Variants in MIGA2 observed in about 807,000 individuals in gnomAD.
MIGA2 encodes the protein family with sequence similarity 73, member B.
MIGA2 carries 36 observed loss-of-function variants against 69.9 expected under a neutral mutation model. The ratio of observed to expected loss-of-function variants is 0.52; its 90% CI spans 0.39 to 0.68. The LOEUF (loss-of-function observed/expected upper bound fraction) is 0.68, where lower values mean the gene tolerates loss of function less well. MIGA2 is among the 30% of genes least tolerant of loss of function. The pLI, the probability that MIGA2 is intolerant of heterozygous loss-of-function variation, is 0.00. For missense variants in MIGA2, 660 were observed against 787.7 expected, an observed-to-expected ratio of 0.84 and a Z score of 1.94; for synonymous variants, 333 against 349.2, an observed-to-expected ratio of 0.95 and a Z score of 0.52.
rs1224673812 is a variant in MIGA2 at position 129,048,254 on chromosome 9, C to A, written c.308-173C>A. 2.0e-5 allele frequency among the ~76,000 whole-genome samples: 3 copies of A among 152,332 alleles called. No individual in the cohort carries two copies. In the East Asian group the frequency reaches 5.8e-4, roughly 29 times the overall value. On this transcript the variant is annotated intron_variant, in intron 3 of 15. Coordinates refer to ENST00000684074, the MANE Select transcript of MIGA2 (RefSeq NM_001329990.2). ...GTGGTCATGAGCAGGACATGGAGGG[C>A]CCCGCGCTTTTCTCCTGAGTGCACG...
At chr9:129,051,206 C>T (rs2131361027) in intron 6 of MIGA2, 1 of 154,806 alleles carries the variant, frequency 6.5e-6, no homozygotes, top group East Asian at 1.9e-4. Flanking sequence ...TTCTTTAATA[C>T]ACTTTTTTGG....
chr9:129,061,193 T>G lies in MIGA2; in HGVS notation c.895-38T>G, dbSNP rs1846048121. The G allele has an allele frequency of 1.3e-6, 2 of 1,567,220 alleles. No homozygotes were observed. The highest frequency in any genetic ancestry group is 1.7e-6 in the Non-Finnish European group (2 of 1,147,694). ...CTTGCGCCGTGGCGTGCTGCTCACA[T>G]GGGCTTCCCTGGTCTCTTCCTCTGC... On this transcript the variant is annotated intron_variant, in intron 8 of 15. Transcript: ENST00000684074. The surrounding 1 kb of genome is among the most constrained non-coding windows in gnomAD (Gnocchi z 5.0).
rs1588405283 is a variant in MIGA2, at chr9:129,061,369, A to C, written c.1010+23A>C. 3.5e-6 allele frequency: 2 copies of C among 565,558 alleles called. No individual in the cohort carries two copies. Among genetic ancestry groups the C allele is most frequent in the Non-Finnish European group, 6.9e-6 (2 of 290,206 alleles). The allele number at this position is 565,558 out of a possible 1,614,324, so 35.0% of individuals were successfully genotyped here. Reference sequence around the variant, plus strand: ...CAGGTGAGCAGGTGTGGAGGGAGGGAGGGAGGGAGCAGGAGGCGATGGGTG... The same window carrying C: ...CAGGTGAGCAGGTGTGGAGGGAGGGCGGGAGGGAGCAGGAGGCGATGGGTG... On this transcript the variant is annotated intron_variant, in intron 9 of 15. Transcript: ENST00000684074. This position sits in a 1 kb window ranked among gnomAD's most constrained non-coding sequence, Gnocchi z 5.0.
At position 129,038,789 on chromosome 9, in the gene MIGA2, C is replaced by CTTTT. The variant is rs869238538; in HGVS notation, c.-143-1642_-143-1639dup. On this transcript the variant is annotated intron_variant, in intron 1 of 15. Transcript: ENST00000684074. ...CACATAATCCTTTTTTTTTGTTTGT[C>CTTTT]TTTTTTTTTTTTTTTTTTTTTTTTG... 7.2e-3 allele frequency among the ~76,000 whole-genome samples: 637 copies of CTTTT among 89,072 alleles called. 2 individuals carry two copies. Among genetic ancestry groups the CTTTT allele is most frequent in the African/African-American group, 0.013 (263 of 20,662 alleles). The allele number at this position is 89,072 out of a possible 152,430, so 58.4% of individuals were successfully genotyped here. A position where few individuals can be genotyped will look rare whatever the true frequency, so the allele number is the denominator to read the frequency against.
chr9:129,063,356 G>A (rs1015306653), intron 10 of MIGA2, 40 bp downstream of exon 10: 30 of 1,611,710 alleles, frequency 1.9e-5, no homozygotes, highest in Middle Eastern at 1.7e-4. Context: ...TGGGAGGCAA[G>A]GGGTAGTCAG....
chr9:129,067,002 G>T (rs1846392434), intron 11 of MIGA2, among the ~76,000 whole-genome samples: 1 of 149,488 alleles, frequency 6.7e-6, no homozygotes, highest in East Asian at 2.0e-4. Context: ...CGGGCGTGGT[G>T]GCAGGCACTT....
intron 11 of MIGA2, 24 bp downstream of exon 11, chr9:129,063,655 G>GGGGGGGGGGGGCCC: frequency 1.5e-5 from 10 of 645,702 alleles, no homozygotes; most frequent in Non-Finnish European, 2.3e-5. Context: ...GGGTGGGGGG[G>GGGGGGGGGGGGCCC]CAAATTATAA....
intron 3 of MIGA2, among the ~76,000 whole-genome samples, chr9:129,047,477 G>A (rs2131352809): frequency 6.6e-6 from 1 of 151,572 alleles, no homozygotes. Flanking sequence ...CAGTGGCACA[G>A]TCTTGGCTCA....
rs1431473952 is a variant in MIGA2 at position 129,068,257 on chromosome 9, G to A, written c.1329G>A (p.Glu443=). 3 of 1,613,426 alleles carry A rather than the reference G, an allele frequency of 1.9e-6. No homozygotes were observed. The highest frequency in any genetic ancestry group is 1.6e-4 in the Middle Eastern group (1 of 6,080). ...ACTTCATCCTCATGGACGCCTTCGA[G>A]GACCTGGAGAACCCTCCGGCCTCGG... ...VLDFILMDAF[E]DLENPPASVL... The change falls in exon 13 of 16, where the codon GAG becomes GAA. Residue 443 remains glutamate (E), a synonymous_variant. Transcript: ENST00000684074. This position sits in a 1 kb window ranked among gnomAD's most constrained non-coding sequence, Gnocchi z 4.1.
At chr9:129,063,656 C>CCCCCA in intron 11 of MIGA2, 25 bp downstream of exon 11, 2 of 1,597,290 alleles carry the variant, frequency 1.3e-6, no homozygotes, top group Non-Finnish European at 1.7e-6. Flanking sequence ...GGTGGGGGGG[C>CCCCCA]AAATTATAAA....
rs1420739855 is a variant in MIGA2, at chr9:129,070,579, C to T, written c.*126C>T. 2 of 1,049,308 alleles carry T rather than the reference C, an allele frequency of 1.9e-6. No individual in the cohort carries two copies. The highest frequency in any genetic ancestry group is 2.6e-5 in the East Asian group (1 of 38,186). The allele number at this position is 1,049,308 out of a possible 1,614,324, so 65.0% of individuals were successfully genotyped here. Reference sequence around the variant, plus strand: ...TGCCCCACCCCCATCATCTGGGAGTCCCCAAGGCCCAGAGGGGACATTTCC... The same window carrying T: ...TGCCCCACCCCCATCATCTGGGAGTTCCCAAGGCCCAGAGGGGACATTTCC... On this transcript the variant is annotated 3_prime_UTR_variant, in exon 16 of 16. Transcript: ENST00000684074.
Position 129,061,387 on chromosome 9 carries a change from G to C in MIGA2, c.1010+41G>C, listed in dbSNP as rs762886496. The C allele has an allele frequency of 6.5e-7, 1 of 1,531,176 alleles. No individual in the cohort carries two copies. The highest frequency in any genetic ancestry group is 2.3e-5 in the East Asian group (1 of 43,154). The allele number at this position is 1,531,176 out of a possible 1,614,324, so 94.8% of individuals were successfully genotyped here. A position where few individuals can be genotyped will look rare whatever the true frequency, so the allele number is the denominator to read the frequency against. ...GGGAGGGAGGGAGGGAGCAGGAGGC[G>C]ATGGGTGATTCTGGCCCTTGCGGGA... On this transcript the variant is annotated intron_variant, in intron 9 of 15. Transcript: ENST00000684074. The surrounding 1 kb of genome is among the most constrained non-coding windows in gnomAD (Gnocchi z 5.0).
intron 2 of MIGA2, among the ~76,000 whole-genome samples, chr9:129,041,251 G>A (rs1471935577): frequency 2.6e-5 from 4 of 152,026 alleles, no homozygotes; most frequent in Admixed American, 6.6e-5. Flanking sequence ...AGAATTGCTT[G>A]AACCCAGGAG....
Position 129,069,229 on chromosome 9 carries a change from T to C in MIGA2, c.1458+100T>C, listed in dbSNP as rs1846533894. ...GGTGGCTCGCTGGGCCACTTGGCCT[T>C]CACCGCTCACAGTCCTGGCCCCCTT... On this transcript the variant is annotated intron_variant, in intron 14 of 15. Coordinates refer to ENST00000684074, the MANE Select transcript of MIGA2 (RefSeq NM_001329990.2). This position sits in a 1 kb window ranked among gnomAD's most constrained non-coding sequence, Gnocchi z 4.9. 2 of 1,430,668 alleles carry C rather than the reference T, an allele frequency of 1.4e-6. No individual in the cohort carries two copies. The highest frequency in any genetic ancestry group is 3.4e-5 in the Admixed American group (2 of 59,528). The allele number at this position is 1,430,668 out of a possible 1,614,324, so 88.6% of individuals were successfully genotyped here.
intron 6 of MIGA2, among the ~76,000 whole-genome samples, chr9:129,050,874 C>CT (rs879796979): frequency 3.3e-4 from 48 of 144,144 alleles, no homozygotes; most frequent in African/African-American, 5.6e-4. Flanking sequence ...CCCTTTTTTT[C>CT]TTTTTTTTTT....
chr9:129,037,937 G>A (rs1396137987), intron 1 of MIGA2, among the ~76,000 whole-genome samples: 1 of 152,132 alleles, frequency 6.6e-6, no homozygotes, highest in African/African-American at 2.4e-5. Context: ...GATAAACATT[G>A]GCCATTGCGA....
intron 6 of MIGA2, chr9:129,051,282 TTA>T (rs1211859756): frequency 7.6e-5 from 14 of 184,838 alleles, no homozygotes; most frequent in African/African-American, 1.2e-4. Flanking sequence ...ATTTATTTAT[TTA>T]TTTTTTTTTT....
At chr9:129,065,681 G>T (rs1386303552) in intron 11 of MIGA2, among the ~76,000 whole-genome samples, 1 of 152,252 alleles carries the variant, frequency 6.6e-6, no homozygotes, top group Non-Finnish European at 1.5e-5. Flanking sequence ...GACAACGCCT[G>T]TATAACCAGC....
intron 6 of MIGA2, among the ~76,000 whole-genome samples, chr9:129,052,699 C>A (rs1845609574): frequency 6.6e-6 from 1 of 152,124 alleles, no homozygotes; most frequent in South Asian, 2.1e-4. Context: ...AGCCAGCTGG[C>A]AGGGGGACCT....
Sources: allele counts gnomAD v4.1 joint callset (sites outside exome capture counted in the v4.1 genomes callset), GRCh38; gene constraint gnomAD v4.1.1; non-coding constraint Gnocchi (gnomAD v3.1); transcripts MANE v1.5; gene names NCBI Gene and HGNC (gene_info 2026-07-23, HGNC 2026-07-21).